The following RXFP2 variants were observed in gnomAD, a reference collection of about 807,000 sequenced individuals.
RXFP2 encodes the protein relaxin receptor 2.
Under a neutral mutation model 88.6 loss-of-function variants are expected in RXFP2, and 68 were observed. The ratio of observed to expected loss-of-function variants is 0.77; its 90% CI spans 0.63 to 0.94. The LOEUF is 0.94. Ranked by LOEUF, RXFP2 falls within the 40% of genes least tolerant of loss-of-function variation. The probability of loss-of-function intolerance (pLI) is 0.00; values close to 1 mark genes in which losing one functional copy is unlikely to be tolerated. For missense variants in RXFP2, 791 were observed against 893.9 expected (o/e 0.88, Z 1.47); for synonymous variants, 329 against 306.8 (o/e 1.07, Z -0.76).
At chr13:31,774,087 C>T (rs1165719856) in intron 5 of RXFP2, among the ~76,000 whole-genome samples, 1 of 152,204 alleles carries the variant, frequency 6.6e-6, no homozygotes. Context: ...GGCATACTTG[C>T]CCTGGTTCAA....
At position 31,786,554 on chromosome 13, in the gene RXFP2, T is replaced by TTAA; in HGVS notation, c.1002-12_1002-11insTAA. The TTAA allele has an allele frequency of 2.0e-6, 3 of 1,496,388 alleles. No homozygotes were observed. Among genetic ancestry groups the TTAA allele is most frequent in the Non-Finnish European group, 2.8e-6 (3 of 1,086,070 alleles). 92.7% of individuals were successfully genotyped at this position (1,496,388 alleles called of 1,614,324 possible). On this transcript the variant is annotated splice_polypyrimidine_tract_variant and intron_variant, in intron 12 of 17. Coordinates refer to ENST00000298386, the MANE Select transcript of RXFP2 (RefSeq NM_130806.5). Reference sequence around the variant, plus strand: ...CTTCTTTTCCTCTCTCATCTAATGGTAAAAAAAAAAGGAACCTGTCATCCA... The same window carrying TTAA: ...CTTCTTTTCCTCTCTCATCTAATGGTTAAAAAAAAAAAAGGAACCTGTCATCCA...
At chr13:31,760,382 C>A (rs1044358261) in intron 2 of RXFP2, among the ~76,000 whole-genome samples, 1 of 152,162 alleles carries the variant, frequency 6.6e-6, no homozygotes, top group Admixed American at 6.6e-5. Flanking sequence ...TGAGCCACTG[C>A]GCTTGGCCCT....
chr13:31,777,366 AT>A lies in RXFP2; in HGVS notation c.642-6del, dbSNP rs1456085290. On this transcript the variant is annotated splice_polypyrimidine_tract_variant and intron_variant, in intron 7 of 17. Coordinates refer to ENST00000298386, the MANE Select transcript of RXFP2 (RefSeq NM_130806.5). ...TAATATTGGAAATGTTTCTTGATAC[AT>A]TTTGTCAGAATTCTAGATGACAATC... is the stretch of plus-strand genomic sequence containing the variant. 1 of 1,597,958 alleles carries A rather than the reference AT, an allele frequency of 6.3e-7. No individual in the cohort carries two copies. The highest frequency in any genetic ancestry group is 1.1e-5 in the South Asian group (1 of 90,344).
chr13:31,787,838 A>G (rs1483356999), intron 13 of RXFP2, among the ~76,000 whole-genome samples: 1 of 152,156 alleles, frequency 6.6e-6, no homozygotes, highest in Non-Finnish European at 1.5e-5. Flanking sequence ...ACAGGGTTTC[A>G]TTGTGTTGCC....
chr13:31,754,999 A>G (rs1316841830), intron 1 of RXFP2, among the ~76,000 whole-genome samples: 1 of 152,218 alleles, frequency 6.6e-6, no homozygotes, highest in Non-Finnish European at 1.5e-5. Context: ...ACCCAGGGTT[A>G]CCATGGGCCA....
chr13:31,770,974 A>T (rs79014916), intron 5 of RXFP2, among the ~76,000 whole-genome samples: 1,559 of 152,294 alleles, frequency 0.01, 22 homozygotes, highest in African/African-American at 0.035. Flanking sequence ...GAAGAAAGAA[A>T]CATAAGCAGA....
intron 6 of RXFP2, among the ~76,000 whole-genome samples, 195 bp from the exon 7 acceptor site, chr13:31,775,123 G>A (rs1034196134): frequency 1.3e-5 from 2 of 152,188 alleles, no homozygotes; most frequent in Admixed American, 6.5e-5. Context: ...TGGCCCTGGT[G>A]TTGCACACAC....
At chr13:31,748,814 ATC>A (rs2138387568) in intron 1 of RXFP2, among the ~76,000 whole-genome samples, 1 of 152,214 alleles carries the variant, frequency 6.6e-6, no homozygotes, top group Non-Finnish European at 1.5e-5. Context: ...GTGAAACCCC[ATC>A]TCTATTAAAA....
chr13:31,754,708 TA>T (rs2138397381), intron 1 of RXFP2, among the ~76,000 whole-genome samples: 1 of 152,356 alleles, frequency 6.6e-6, no homozygotes, highest in East Asian at 1.9e-4. Flanking sequence ...TAGGAGATTG[TA>T]AGGACATTTT....
At chr13:31,751,590 G>A (rs919727892) in intron 1 of RXFP2, among the ~76,000 whole-genome samples, 11 of 152,300 alleles carry the variant, frequency 7.2e-5, no homozygotes, top group East Asian at 5.8e-4. Flanking sequence ...AGGTACATTC[G>A]TAAGTTGATG....
intron 8 of RXFP2, among the ~76,000 whole-genome samples, chr13:31,778,083 A>G (rs967418075): frequency 4.6e-5 from 7 of 152,124 alleles, no homozygotes; most frequent in African/African-American, 1.7e-4. Context: ...CCCTACTGTC[A>G]CTTCTCCAAT....
At chr13:31,749,840 T>C (rs1173812934) in intron 1 of RXFP2, among the ~76,000 whole-genome samples, 2 of 152,216 alleles carry the variant, frequency 1.3e-5, no homozygotes, top group African/African-American at 4.8e-5. Flanking sequence ...TCTTCCAATA[T>C]GTATGCCATT....
intron 1 of RXFP2, among the ~76,000 whole-genome samples, chr13:31,753,603 A>G (rs2138395475): frequency 6.6e-6 from 1 of 152,250 alleles, no homozygotes; most frequent in Middle Eastern, 3.4e-3. Flanking sequence ...CACAGAATAC[A>G]CTTTCTACAG....
At chr13:31,776,870 T>C (rs1324149894) in intron 7 of RXFP2, among the ~76,000 whole-genome samples, 1 of 152,218 alleles carries the variant, frequency 6.6e-6, no homozygotes. Context: ...ATAGTTTCAC[T>C]CTTTCACCCA....
chr13:31,763,745 G>A (rs1232286750), intron 3 of RXFP2, among the ~76,000 whole-genome samples: 1 of 152,126 alleles, frequency 6.6e-6, no homozygotes, highest in South Asian at 2.1e-4. Flanking sequence ...AGCACACCCA[G>A]CTTGACCATA....
chr13:31,776,134 C>CTTTCTTTA (rs1566227975), intron 7 of RXFP2, among the ~76,000 whole-genome samples: 1 of 139,780 alleles, frequency 7.2e-6, no homozygotes, highest in African/African-American at 2.7e-5. Flanking sequence ...TTCTTTCTTT[C>CTTTCTTTA]TTTCTTTCTC....
intron 11 of RXFP2, among the ~76,000 whole-genome samples, chr13:31,784,815 C>T (rs756202893): frequency 4.6e-5 from 7 of 152,126 alleles, no homozygotes; most frequent in Non-Finnish European, 8.8e-5. Context: ...TTCCGTTTCC[C>T]TCCAACTTTC....
chr13:31,751,278 G>A (rs1433245552), intron 1 of RXFP2, among the ~76,000 whole-genome samples: 1 of 152,010 alleles, frequency 6.6e-6, no homozygotes, highest in Non-Finnish European at 1.5e-5. Flanking sequence ...GGCAACAAGA[G>A]TGAAAATCCA....
intron 1 of RXFP2, among the ~76,000 whole-genome samples, chr13:31,753,212 T>A (rs911219045): frequency 6.6e-6 from 1 of 152,192 alleles, no homozygotes; most frequent in African/African-American, 2.4e-5. Flanking sequence ...TATATCTCCA[T>A]CAATTCTTAA....
Sources: gnomAD v4.1 joint callset for allele counts (sites outside exome capture counted in the v4.1 genomes callset) on GRCh38, gnomAD v4.1.1 for gene constraint, MANE v1.5 for transcripts, NCBI Gene and HGNC (gene_info 2026-07-23, HGNC 2026-07-21) for gene names.